The following VPS53 variants were observed in gnomAD, a reference collection of about 807,000 sequenced individuals.
VPS53 encodes the protein vacuolar protein sorting-associated protein 53 homolog.
Under a neutral mutation model 107.0 loss-of-function variants are expected in VPS53, and 70 were observed. The ratio of observed to expected loss-of-function variants is 0.65; its 90% CI spans 0.54 to 0.80. VPS53 has a LOEUF of 0.80. VPS53 is among the 30% of genes least tolerant of loss of function. The pLI is 0.00. For missense variants in VPS53, 917 were observed against 1,049.4 expected, an observed-to-expected ratio of 0.87 and a Z score of 1.74; for synonymous variants, 409 against 393.3, an observed-to-expected ratio of 1.04 and a Z score of -0.47.
intron 4 of VPS53, among the ~76,000 whole-genome samples, chr17:681,140 TTTG>T (rs1972379263): frequency 6.6e-6 from 1 of 152,216 alleles, no homozygotes; most frequent in African/African-American, 2.4e-5. Flanking sequence ...TTGTTTGTTT[TTTG>T]TTTTCTGTTT....
chr17:573,413 TCC>T (rs1914341020), intron 13 of VPS53, among the ~76,000 whole-genome samples: 1 of 152,206 alleles, frequency 6.6e-6, no homozygotes, highest in African/African-American at 2.4e-5. Flanking sequence ...TCTGCAGTCC[TCC>T]TACTGCTACT....
chr17:522,283 A>G (rs1908821023), intron 19 of VPS53, among the ~76,000 whole-genome samples: 1 of 152,174 alleles, frequency 6.6e-6, no homozygotes, highest in African/African-American at 2.4e-5. Context: ...CTCCTCCATA[A>G]AACTAAATCA....
At chr17:707,755 T>C (rs916755016) in intron 2 of VPS53, among the ~76,000 whole-genome samples, 4 of 150,004 alleles carry the variant, frequency 2.7e-5, no homozygotes, top group Admixed American at 1.3e-4. Flanking sequence ...AGAAGGCCGA[T>C]GTAGTGGGAG....
At chr17:636,699 G>A (rs1389870422) in intron 7 of VPS53, among the ~76,000 whole-genome samples, 1 of 152,184 alleles carries the variant, frequency 6.6e-6, no homozygotes, top group African/African-American at 2.4e-5. Flanking sequence ...CTTTGGTTCT[G>A]TTTATATGAT....
chr17:699,441 A>G, intron 2 of VPS53, 61 bp from the exon 3 acceptor site: 2 of 1,410,186 alleles, frequency 1.4e-6, no homozygotes, highest in South Asian at 2.9e-5. Flanking sequence ...CCTCTTTCAC[A>G]GGAAAATGAT....
At chr17:638,726 G>A (rs976880358) in intron 7 of VPS53, among the ~76,000 whole-genome samples, 2 of 152,184 alleles carry the variant, frequency 1.3e-5, no homozygotes, top group African/African-American at 4.8e-5. Flanking sequence ...TTTTCTTCAA[G>A]AATGTTGAAT....
At chr17:549,536 A>G (rs1413491965) in intron 17 of VPS53, among the ~76,000 whole-genome samples, 2 of 152,074 alleles carry the variant, frequency 1.3e-5, no homozygotes, top group Non-Finnish European at 2.9e-5. Context: ...GACAGTTCGT[A>G]TAAGCAACAC....
intron 7 of VPS53, among the ~76,000 whole-genome samples, chr17:638,512 G>T (rs1016337692): frequency 1.3e-5 from 2 of 152,174 alleles, no homozygotes; most frequent in African/African-American, 4.8e-5. Flanking sequence ...TCCTAGCATG[G>T]ATGGTCTTTA....
At chr17:538,035 A>G (rs9894837) in intron 17 of VPS53, 32,412 of 152,218 alleles carry the variant, frequency 0.21, 7,043 homozygotes, top group African/African-American at 0.54. Context: ...TCCCTGAACA[A>G]GCTGTGAACA....
intron 8 of VPS53, among the ~76,000 whole-genome samples, chr17:628,881 C>A (rs191966774): frequency 2.0e-5 from 3 of 152,206 alleles, no homozygotes; most frequent in East Asian, 1.9e-4. Context: ...TGACGCATCA[C>A]GACGGGAAGG....
At chr17:639,804 G>A (rs1159871556) in intron 7 of VPS53, among the ~76,000 whole-genome samples, 1 of 152,328 alleles carries the variant, frequency 6.6e-6, no homozygotes, top group Non-Finnish European at 1.5e-5. Flanking sequence ...GTGTCAGTCT[G>A]CCCCTACTGG....
At chr17:661,947 G>T in intron 4 of VPS53, 52 bp from the exon 5 acceptor site, 1 of 1,406,670 alleles carries the variant, frequency 7.1e-7, no homozygotes, top group Non-Finnish European at 9.8e-7. Context: ...GACAGCTCCA[G>T]TCACTAACTG....
chr17:704,204 C>T (rs1973318118), intron 2 of VPS53, among the ~76,000 whole-genome samples: 1 of 152,128 alleles, frequency 6.6e-6, no homozygotes, highest in South Asian at 2.1e-4. Context: ...ACCACTGCGA[C>T]CAAACCTGGC....
In VPS53 at chr17:562,640, G is replaced by A. The variant is rs773678034; in HGVS notation, c.1419C>T (p.Asp473=). 1.2e-6 allele frequency: 2 copies of A among 1,613,984 alleles called. No individual in the cohort carries two copies. Among genetic ancestry groups the A allele is most frequent in the Admixed American group, 1.7e-5 (1 of 59,974 alleles). Residue 473 remains aspartate (D), a synonymous_variant, in exon 14 of 22, where the codon GAC becomes GAT. Coordinates refer to ENST00000437048, the MANE Select transcript of VPS53 (RefSeq NM_001128159.3). ...EGGAVLPSCA[D]LFVYYKKCMV... is the part of the protein sequence containing the mutation. Reference sequence around the variant, plus strand: ...TGCACTTCTTGTAGTAGACAAAGAGGTCGGCGCAGCTGGGGAGCACGGCAC... The same window carrying A: ...TGCACTTCTTGTAGTAGACAAAGAGATCGGCGCAGCTGGGGAGCACGGCAC...
intron 7 of VPS53, among the ~76,000 whole-genome samples, chr17:635,584 G>T (rs1304083362): frequency 6.6e-6 from 1 of 152,154 alleles, no homozygotes; most frequent in African/African-American, 2.4e-5. Context: ...TAAGGTGTAA[G>T]GAAGGGATCC....
intron 11 of VPS53, among the ~76,000 whole-genome samples, chr17:622,808 T>C (rs1201214112): frequency 6.6e-6 from 1 of 151,886 alleles, no homozygotes; most frequent in Non-Finnish European, 1.5e-5. Context: ...GAAGTGATCC[T>C]CCTGCCTCAG....
At chr17:542,142 G>A (rs755643849) in intron 17 of VPS53, among the ~76,000 whole-genome samples, 11 of 152,224 alleles carry the variant, frequency 7.2e-5, no homozygotes, top group Non-Finnish European at 1.0e-4. Flanking sequence ...CACCTACCAC[G>A]TAACAGGTGC....
rs79002105 is a variant in VPS53 at position 514,845 on chromosome 17, G to A, written c.*4283C>T. 0.033 allele frequency: 5,023 copies of A among 152,442 alleles called. 134 individuals carry two copies. The highest frequency in any genetic ancestry group is 0.084 in the Admixed American group (1,287 of 15,306). 9.4% of individuals were successfully genotyped at this position (152,442 alleles called of 1,614,324 possible). A position where few individuals can be genotyped will look rare whatever the true frequency, so the allele number is the denominator to read the frequency against. On this transcript the variant is annotated 3_prime_UTR_variant, in exon 22 of 22. Transcript: ENST00000437048. ...AAGAAATCAGGCACCCCTTCTCGGGGGTGGGCAGAGCCCTGGGTACTGGCT... is the reference window on the plus strand; with the variant it reads ...AAGAAATCAGGCACCCCTTCTCGGGAGTGGGCAGAGCCCTGGGTACTGGCT...
At chr17:603,004 C>A (rs903228002) in intron 11 of VPS53, among the ~76,000 whole-genome samples, 4 of 152,122 alleles carry the variant, frequency 2.6e-5, no homozygotes, top group African/African-American at 9.7e-5. Context: ...GGTATTTTAG[C>A]CAATACCAGT....
Sources: gnomAD v4.1 joint callset for allele counts (sites outside exome capture counted in the v4.1 genomes callset) on GRCh38, gnomAD v4.1.1 for gene constraint, MANE v1.5 for transcripts, NCBI Gene and HGNC (gene_info 2026-07-23, HGNC 2026-07-21) for gene names.